PPM1E: variants seen among roughly 807,000 people sequenced by gnomAD.
PPM1E encodes protein phosphatase 1E.
In PPM1E, 20 loss-of-function variants were observed where a neutral mutation model predicts 65.9. The observed-to-expected ratio is 0.30, with a 90% CI of 0.21 to 0.44. The LOEUF (loss-of-function observed/expected upper bound fraction) is 0.44, where lower values mean the gene tolerates loss of function less well. Among genes scored for constraint, PPM1E ranks in the 20% least tolerant of loss-of-function variants. PPM1E has a pLI of 1.00. For missense variants in PPM1E, 713 were observed against 953.1 expected, an observed-to-expected ratio of 0.75 and a Z score of 3.32; for synonymous variants, 352 against 374.9, an observed-to-expected ratio of 0.94 and a Z score of 0.70.
intron 1 of PPM1E, among the ~76,000 whole-genome samples, chr17:58,923,107 AAAACCCATCTCT>A (rs944850107): frequency 1.8e-3 from 2 of 1,116 alleles, no homozygotes; most frequent in Non-Finnish European, 4.9e-3. Context: ...CCAACATGGC[AAAACCCATCTCT>A]ACTAAAAATA....
intron 1 of PPM1E, among the ~76,000 whole-genome samples, chr17:58,894,421 C>T (rs2051386568): frequency 6.6e-6 from 1 of 151,902 alleles, no homozygotes; most frequent in Non-Finnish European, 1.5e-5. Flanking sequence ...TTTTTTTCTG[C>T]AAGTGAATGA....
intron 1 of PPM1E, among the ~76,000 whole-genome samples, chr17:58,915,216 A>G (rs1275912459): frequency 1.3e-5 from 2 of 152,186 alleles, no homozygotes; most frequent in Non-Finnish European, 2.9e-5. Context: ...CTGGTTGTCC[A>G]TTTTTATGGT....
At chr17:58,766,981 A>G (rs2049886606) in intron 1 of PPM1E, among the ~76,000 whole-genome samples, 1 of 152,144 alleles carries the variant, frequency 6.6e-6, no homozygotes, top group African/African-American at 2.4e-5. Context: ...TCTAGAAACA[A>G]TTTTCAGTGT....
chr17:58,792,889 G>T (rs902344638), intron 1 of PPM1E, among the ~76,000 whole-genome samples: 1 of 150,618 alleles, frequency 6.6e-6, no homozygotes, highest in Non-Finnish European at 1.5e-5. Context: ...GAGTAGCTGG[G>T]ATTATAGGCA....
At chr17:58,824,589 CTGT>C (rs2050513315) in intron 1 of PPM1E, among the ~76,000 whole-genome samples, 1 of 146,414 alleles carries the variant, frequency 6.8e-6, no homozygotes, top group Admixed American at 6.7e-5. Flanking sequence ...TTGCTTCTTT[CTGT>C]TGTTTTTTTT....
At chr17:58,812,608 T>C (rs550842290) in intron 1 of PPM1E, among the ~76,000 whole-genome samples, 1 of 152,290 alleles carries the variant, frequency 6.6e-6, no homozygotes, top group South Asian at 2.1e-4. Flanking sequence ...GTCGCCCGTG[T>C]TGGGGCATGA....
intron 1 of PPM1E, among the ~76,000 whole-genome samples, chr17:58,763,064 A>G (rs1459159330): frequency 6.6e-6 from 1 of 152,084 alleles, no homozygotes; most frequent in Non-Finnish European, 1.5e-5. Context: ...ATTGATGGAC[A>G]TGTCAGTTGT....
chr17:58,802,087 A>G (rs776932793), intron 1 of PPM1E, among the ~76,000 whole-genome samples: 1 of 152,158 alleles, frequency 6.6e-6, no homozygotes, highest in Non-Finnish European at 1.5e-5. Context: ...GGTGTGATTG[A>G]CAAACAAAAA....
intron 1 of PPM1E, among the ~76,000 whole-genome samples, chr17:58,786,015 C>CTTTT (rs199866066): frequency 7.5e-4 from 105 of 139,084 alleles, no homozygotes; most frequent in African/African-American, 2.6e-3. Flanking sequence ...CACCTTTTCA[C>CTTTT]TTTTTTTTTT....
rs2051518696 is a variant in PPM1E at position 58,903,261 on chromosome 17, T to A, written c.465-52388T>A. Reference sequence around the variant, plus strand: ...GTAACTACAGTCCAGCCTCCCAAGGTACTCCATCCAGCCATTCTTCTTTGA... The same window carrying A: ...GTAACTACAGTCCAGCCTCCCAAGGAACTCCATCCAGCCATTCTTCTTTGA... On this transcript the variant is annotated intron_variant, in intron 1 of 6. Transcript: ENST00000308249. Among the ~76,000 whole-genome samples the A allele has an allele frequency of 2.0e-5, 3 of 152,194 alleles. 1 individual carries two copies. The highest frequency in any genetic ancestry group is 2.9e-5 in the Non-Finnish European group (2 of 68,022).
rs954275159 is a variant in PPM1E, at chr17:58,899,187, GA to G, written c.465-56453del. 1.7e-4 allele frequency among the ~76,000 whole-genome samples: 26 copies of G among 150,900 alleles called. No homozygotes were observed. In the South Asian group the frequency reaches 3.8e-3, roughly 22 times the overall value. ...AAAAAAAAGAAAAACAAAAAAGAAT[GA>G]AAAAAAAATTAGCGAGGTGTCATGG... is the stretch of plus-strand genomic sequence containing the variant. On this transcript the variant is annotated intron_variant, in intron 1 of 6. Coordinates refer to ENST00000308249, the MANE Select transcript of PPM1E (RefSeq NM_014906.5).
At chr17:58,942,248 T>C (rs1256257691) in intron 1 of PPM1E, among the ~76,000 whole-genome samples, 1 of 151,914 alleles carries the variant, frequency 6.6e-6, no homozygotes, top group Non-Finnish European at 1.5e-5. Context: ...GCATGGGTCA[T>C]GGTGGCTTGC....
chr17:58,866,820 G>A (rs2051009447), intron 1 of PPM1E, among the ~76,000 whole-genome samples: 1 of 152,320 alleles, frequency 6.6e-6, no homozygotes. Context: ...ATCCCAAAAG[G>A]TGGGTGTTCA....
At chr17:58,775,293 C>G (rs1042590935) in intron 1 of PPM1E, among the ~76,000 whole-genome samples, 1 of 152,048 alleles carries the variant, frequency 6.6e-6, no homozygotes, top group Non-Finnish European at 1.5e-5. Context: ...CTGTTATTAT[C>G]CTTATATTCC....
At chr17:58,885,853 T>G (rs966458630) in intron 1 of PPM1E, among the ~76,000 whole-genome samples, 11 of 152,198 alleles carry the variant, frequency 7.2e-5, no homozygotes, top group African/African-American at 2.7e-4. Flanking sequence ...GTGTATACAC[T>G]TAGCTGCTAG....
rs899413764 is a variant in PPM1E, at chr17:58,922,615, G to A, written c.465-33034G>A. Among the ~76,000 whole-genome samples, 5 of 151,412 alleles carry A rather than the reference G, an allele frequency of 3.3e-5. No individual in the cohort carries two copies. The East Asian group carries it at 9.7e-4, about 29-fold the overall frequency. ...CATTGTATTTCACCTGTGCCCTATTGAGAATTTTTTTTTATTATTATTTCT... is the reference window on the plus strand; with the variant it reads ...CATTGTATTTCACCTGTGCCCTATTAAGAATTTTTTTTTATTATTATTTCT... On this transcript the variant is annotated intron_variant, in intron 1 of 6. Transcript: ENST00000308249.
chr17:58,915,861 C>T (rs2051677634), intron 1 of PPM1E, among the ~76,000 whole-genome samples: 1 of 152,130 alleles, frequency 6.6e-6, no homozygotes, highest in East Asian at 1.9e-4. Context: ...TGTTCTAGGT[C>T]CCACCCCATT....
At chr17:58,889,044 A>G (rs1409403991) in intron 1 of PPM1E, among the ~76,000 whole-genome samples, 5 of 152,194 alleles carry the variant, frequency 3.3e-5, no homozygotes, top group Non-Finnish European at 7.4e-5. Context: ...TACATTCTTC[A>G]AAGTTATTAG....
rs1251047602 is a variant in PPM1E at position 58,984,802 on chromosome 17, A to G, written c.*3771A>G. The G allele has an allele frequency of 3.3e-5, 5 of 152,468 alleles. No individual in the cohort carries two copies. Among genetic ancestry groups the G allele is most frequent in the Admixed American group, 3.3e-4 (5 of 15,292 alleles). 9.4% of individuals were successfully genotyped at this position (152,468 alleles called of 1,614,324 possible). On this transcript the variant is annotated 3_prime_UTR_variant, in exon 7 of 7. Transcript: ENST00000308249. Reference sequence around the variant, plus strand: ...TCTATTTTGAAGACTATTTATTGTAATAATTAGAAAACATGAAATAGGGAA... The same window carrying G: ...TCTATTTTGAAGACTATTTATTGTAGTAATTAGAAAACATGAAATAGGGAA...
Sources: gnomAD v4.1 joint callset for allele counts (sites outside exome capture counted in the v4.1 genomes callset) on GRCh38, gnomAD v4.1.1 for gene constraint, MANE v1.5 for transcripts, NCBI Gene and HGNC (gene_info 2026-07-23, HGNC 2026-07-21) for gene names.